The following POLL variants were observed in gnomAD, a reference collection of about 807,000 sequenced individuals.
POLL encodes the protein DNA polymerase lambda, also known as DNA polymerase beta-2.
A neutral mutation model predicts 58.1 loss-of-function variants in POLL; 44 were observed. The ratio of observed to expected loss-of-function variants is 0.76; its 90% CI spans 0.60 to 0.97. The LOEUF (loss-of-function observed/expected upper bound fraction) is 0.97, where lower values mean the gene tolerates loss of function less well. Among genes scored for constraint, POLL ranks in the 50% least tolerant of loss-of-function variants. The pLI is 0.00. For synonymous variants in POLL, 290 were observed against 283.2 expected (o/e 1.02, Z -0.24); for missense variants, 632 against 736.8 (o/e 0.86, Z 1.65).
Position 101,587,231 on chromosome 10 carries a change from A to C in POLL, c.115+15T>G. ...GGTTCAAGCACACGAGGGTTCTGAG[A>C]CTGGGTCAGCTCACCTTCTGCTTCT... On this transcript the variant is annotated intron_variant, in intron 2 of 8. Coordinates refer to ENST00000370162, the MANE Select transcript of POLL (RefSeq NM_001174084.2). The C allele has an allele frequency of 6.2e-7, 1 of 1,613,866 alleles. No individual in the cohort carries two copies. Among genetic ancestry groups the C allele is most frequent in the South Asian group, 1.1e-5 (1 of 91,074 alleles).
Position 101,587,237 on chromosome 10 carries a change from T to A in POLL, c.115+9A>T. ...AGCACACGAGGGTTCTGAGACTGGG[T>A]CAGCTCACCTTCTGCTTCTTCTCCC... On this transcript the variant is annotated intron_variant, in intron 2 of 8. Transcript: ENST00000370162. 6.2e-7 allele frequency: 1 copy of A among 1,613,708 alleles called. No individual in the cohort carries two copies. The highest frequency in any genetic ancestry group is 1.3e-5 in the African/African-American group (1 of 75,054).
In POLL at chr10:101,584,561, G is replaced by A. The variant is rs55889855; in HGVS notation, c.891+41C>T. On this transcript the variant is annotated intron_variant, in intron 5 of 8. Transcript: ENST00000370162. ...AACCCCACTGGGGTTACTAACCACT[G>A]GCCAGTAAAGACCCCTCCTCCCACT... is the stretch of plus-strand genomic sequence containing the variant. 4.6e-4 allele frequency: 658 copies of A among 1,416,054 alleles called. 5 individuals are homozygous for A. The East Asian group carries it at 0.013, about 28-fold the overall frequency. The allele number at this position is 1,416,054 out of a possible 1,614,324, so 87.7% of individuals were successfully genotyped here.
In POLL at chr10:101,583,418, A is replaced by G; in HGVS notation, c.1065+90T>C. 4 of 1,411,108 alleles carry G rather than the reference A, an allele frequency of 2.8e-6. No individual in the cohort carries two copies. In the South Asian group the frequency reaches 4.9e-5, roughly 17 times the overall value. The allele number at this position is 1,411,108 out of a possible 1,614,324, so 87.4% of individuals were successfully genotyped here. A position where few individuals can be genotyped will look rare whatever the true frequency, so the allele number is the denominator to read the frequency against. On this transcript the variant is annotated intron_variant, in intron 6 of 8. Coordinates refer to ENST00000370162, the MANE Select transcript of POLL (RefSeq NM_001174084.2). Reference sequence around the variant, plus strand: ...GGGTGCATTCCCATCAGAGCACAGCATAGGGATCTGGGGCAGAGCACAGCA... The same window carrying G: ...GGGTGCATTCCCATCAGAGCACAGCGTAGGGATCTGGGGCAGAGCACAGCA...
At position 101,580,138 on chromosome 10, in the gene POLL, T is replaced by C. The variant is rs2062901452; in HGVS notation, c.1363+110A>G. ...AGATGGGATGCTGGCAAAGCACTGTTCCCCTGCTTCCTGCCTCAGGACTGG... is the reference window on the plus strand; with the variant it reads ...AGATGGGATGCTGGCAAAGCACTGTCCCCCTGCTTCCTGCCTCAGGACTGG... On this transcript the variant is annotated intron_variant, in intron 8 of 8. Transcript: ENST00000370162. This position sits in a 1 kb window ranked among gnomAD's most constrained non-coding sequence, Gnocchi z 4.1. 3 of 968,574 alleles carry C rather than the reference T, an allele frequency of 3.1e-6. No individual in the cohort carries two copies. The highest frequency in any genetic ancestry group is 4.7e-6 in the Non-Finnish European group (3 of 637,278). The allele number at this position is 968,574 out of a possible 1,614,324, so 60.0% of individuals were successfully genotyped here. A position where few individuals can be genotyped will look rare whatever the true frequency, so the allele number is the denominator to read the frequency against.
Position 101,580,163 on chromosome 10 carries a change from G to C in POLL, c.1363+85C>G, listed in dbSNP as rs1589659667. On this transcript the variant is annotated intron_variant, in intron 8 of 8. Coordinates refer to ENST00000370162, the MANE Select transcript of POLL (RefSeq NM_001174084.2). The surrounding 1 kb of genome is among the most constrained non-coding windows in gnomAD (Gnocchi z 4.1). ...TCCCCTGCTTCCTGCCTCAGGACTG[G>C]AACTTCTGAGGTTCTCCCTCTGAGG... The C allele has an allele frequency of 2.5e-6, 3 of 1,181,384 alleles. No individual in the cohort carries two copies. The highest frequency in any genetic ancestry group is 3.6e-6 in the Non-Finnish European group (3 of 824,178). 73.2% of individuals were successfully genotyped at this position (1,181,384 alleles called of 1,614,324 possible).
chr10:101,586,104 G>C lies in POLL; in HGVS notation c.168C>G (p.Ala56=). ...AHVVRTGIGR[A]RAELFEKQIV... ...TCTGCTTCTCAAAGAGTTCTGCCCGGGCTCGTCCAATGCCAGTGCGCACAA... is the reference window on the plus strand; with the variant it reads ...TCTGCTTCTCAAAGAGTTCTGCCCGCGCTCGTCCAATGCCAGTGCGCACAA... Residue 56 remains alanine, a synonymous_variant, in exon 3 of 9, where the codon GCC becomes GCG. Coordinates refer to ENST00000370162, the MANE Select transcript of POLL (RefSeq NM_001174084.2). 1 of 1,613,764 alleles carries C rather than the reference G, an allele frequency of 6.2e-7. No individual in the cohort carries two copies. The highest frequency in any genetic ancestry group is 8.5e-7 in the Non-Finnish European group (1 of 1,179,960).
chr10:101,581,392 T>A (rs996709176), intron 7 of POLL: 5 of 152,350 alleles, frequency 3.3e-5, no homozygotes, highest in African/African-American at 1.2e-4. Context: ...CCGGACACCA[T>A]GGCTGAGTGA....
rs1278994016 is a variant in POLL at position 101,582,799 on chromosome 10, A to C, written c.1158T>G (p.Arg386=). The C allele has an allele frequency of 1.1e-5, 17 of 1,614,184 alleles. No homozygotes were observed. Among genetic ancestry groups the C allele is most frequent in the Non-Finnish European group, 1.4e-5 (17 of 1,180,002 alleles). The change falls in exon 7 of 9, where the codon CGT becomes CGG. Residue 386 remains arginine (R), a synonymous_variant. Coordinates refer to ENST00000370162, the MANE Select transcript of POLL (RefSeq NM_001174084.2). ...GLKHYSDFLE[R]MPREEATEIE... ...TCTCTGTAGCCTCCTCCCTGGGCAT[A>C]CGTTCCAGGAAGTCACTGTAATGCT... is the stretch of plus-strand genomic sequence containing the variant.
rs1367023731 is a variant in POLL at position 101,580,122 on chromosome 10, G to C, written c.1363+126C>G. ...TCCGGCCCCGATAGAGAGATGGGATGCTGGCAAAGCACTGTTCCCCTGCTT... is the reference window on the plus strand; with the variant it reads ...TCCGGCCCCGATAGAGAGATGGGATCCTGGCAAAGCACTGTTCCCCTGCTT... On this transcript the variant is annotated intron_variant, in intron 8 of 8. Transcript: ENST00000370162. The surrounding 1 kb of genome is among the most constrained non-coding windows in gnomAD (Gnocchi z 4.1). 2 of 867,616 alleles carry C rather than the reference G, an allele frequency of 2.3e-6. No homozygotes were observed. The highest frequency in any genetic ancestry group is 3.6e-6 in the Non-Finnish European group (2 of 554,590). 53.7% of individuals were successfully genotyped at this position (867,616 alleles called of 1,614,324 possible).
At chr10:101,583,832 A>C in intron 5 of POLL, 151 bp from the exon 6 acceptor site, 1 of 658,906 alleles carries the variant, frequency 1.5e-6, no homozygotes, top group South Asian at 1.9e-5. Context: ...GCTTGGGTGT[A>C]GTTGAAGATG....
In POLL at chr10:101,579,798, C is replaced by T. The variant is rs569669207; in HGVS notation, c.1383G>A (p.Leu461=). 3.7e-6 allele frequency: 6 copies of T among 1,613,086 alleles called. No homozygotes were observed. The highest frequency in any genetic ancestry group is 3.3e-4 in the Middle Eastern group (2 of 6,084). ...LRQEGFLTDD[L]VSQEENGQQQ... is the part of the protein sequence containing the mutation. Reference sequence around the variant, plus strand: ...GCTGACCATTCTCCTCTTGGCTCACCAAGTCATCTGTGAGGAACCCTGGCC... The same window carrying T: ...GCTGACCATTCTCCTCTTGGCTCACTAAGTCATCTGTGAGGAACCCTGGCC... The change falls in exon 9 of 9, where the codon TTG becomes TTA. Residue 461 remains leucine (L), a synonymous_variant. Transcript: ENST00000370162. This position sits in a 1 kb window ranked among gnomAD's most constrained non-coding sequence, Gnocchi z 4.4.
Position 101,579,310 on chromosome 10 carries a change from G to A in POLL, c.*143C>T, listed in dbSNP as rs978488661. On this transcript the variant is annotated 3_prime_UTR_variant, in exon 9 of 9. Coordinates refer to ENST00000370162, the MANE Select transcript of POLL (RefSeq NM_001174084.2). This position sits in a 1 kb window ranked among gnomAD's most constrained non-coding sequence, Gnocchi z 4.4. ...GGGAGCCGGGCTGGCTCTTGCTTCA[G>A]GCCCAGAGCCCTGGGCCCTGCTCGC... 2.1e-6 allele frequency: 2 copies of A among 972,498 alleles called. No homozygotes were observed. The allele number at this position is 972,498 out of a possible 1,614,324, so 60.2% of individuals were successfully genotyped here.
chr10:101,587,748 G>C, intron 1 of POLL, 74 bp downstream of exon 1: 1 of 1,187,510 alleles, frequency 8.4e-7, no homozygotes, highest in Non-Finnish European at 1.1e-6. Context: ...TGCTGGGCTA[G>C]GAAATGGAGC....
Position 101,579,106 on chromosome 10 carries a change from CT to C in POLL, c.*346del. 3.3e-6 allele frequency: 1 copy of C among 304,716 alleles called. No individual in the cohort carries two copies. The highest frequency in any genetic ancestry group is 7.4e-5 in the East Asian group (1 of 13,506). 18.9% of individuals were successfully genotyped at this position (304,716 alleles called of 1,614,324 possible). A position where few individuals can be genotyped will look rare whatever the true frequency, so the allele number is the denominator to read the frequency against. On this transcript the variant is annotated 3_prime_UTR_variant, in exon 9 of 9. Transcript: ENST00000370162. The surrounding 1 kb of genome is among the most constrained non-coding windows in gnomAD (Gnocchi z 4.4). ...TTCTGTCCCCACCCAGCAGCTTGGC[CT>C]TTCCCATAGCAGGGAAGGGGGATAC...
intron 5 of POLL, among the ~76,000 whole-genome samples, chr10:101,584,226 C>G (rs1217314714): frequency 1.3e-5 from 2 of 151,984 alleles, no homozygotes; most frequent in Non-Finnish European, 2.9e-5. Context: ...GGCTGTAATC[C>G]CAGCACTTTG....
chr10:101,587,804 C>T lies in POLL; in HGVS notation c.-47+18G>A, dbSNP rs1190194551. The T allele has an allele frequency of 3.4e-6, 4 of 1,191,124 alleles. No individual in the cohort carries two copies. Among genetic ancestry groups the T allele is most frequent in the Non-Finnish European group, 4.2e-6 (4 of 943,354 alleles). The allele number at this position is 1,191,124 out of a possible 1,614,324, so 73.8% of individuals were successfully genotyped here. ...CTGGGGAGGACCTGCACATAAACCC[C>T]ACATACTATTTCTCTACCTCCAACA... On this transcript the variant is annotated intron_variant, in intron 1 of 8. Transcript: ENST00000370162.
chr10:101,585,558 AC>A lies in POLL; in HGVS notation c.411-81del, dbSNP rs1192112673. The A allele has an allele frequency of 1.3e-5, 17 of 1,290,244 alleles. 2 individuals carry two copies. In the Middle Eastern group the frequency reaches 2.0e-3, roughly 155 times the overall value. The allele number at this position is 1,290,244 out of a possible 1,614,324, so 79.9% of individuals were successfully genotyped here. A position where few individuals can be genotyped will look rare whatever the true frequency, so the allele number is the denominator to read the frequency against. ...CCCCAGTCCTTCTGTACTCTGAAAT[AC>A]TTGGTTTCCCAGTGTGTCCAATTAA... is the stretch of plus-strand genomic sequence containing the variant. On this transcript the variant is annotated intron_variant, in intron 3 of 8. Coordinates refer to ENST00000370162, the MANE Select transcript of POLL (RefSeq NM_001174084.2).
At position 101,579,752 on chromosome 10, in the gene POLL, A is replaced by C; in HGVS notation, c.1429T>G (p.Cys477Gly). 1.9e-6 allele frequency: 3 copies of C among 1,613,862 alleles called. No individual in the cohort carries two copies. Among genetic ancestry groups the C allele is most frequent in the Non-Finnish European group, 2.5e-6 (3 of 1,180,020 alleles). ...CGCCGCCCTGGCCCTGGGAGCCGGC[A>C]CACCCCCAAGTACTTCTGTTGCTGA... ...NGQQQKYLGV[C>G]RLPGPGRRHR... Residue 477 changes from cysteine to glycine, a missense_variant, in exon 9 of 9, where the codon TGC becomes GGC. Coordinates refer to ENST00000370162, the MANE Select transcript of POLL (RefSeq NM_001174084.2). The surrounding 1 kb of genome is among the most constrained non-coding windows in gnomAD (Gnocchi z 4.4).
In POLL at chr10:101,588,144, G is replaced by A. The variant is rs2063498837; in HGVS notation, c.-369C>T. The A allele has an allele frequency of 1.6e-5, 25 of 1,518,278 alleles. No individual in the cohort carries two copies. Among genetic ancestry groups the A allele is most frequent in the Non-Finnish European group, 2.1e-5 (24 of 1,135,098 alleles). 94.1% of individuals were successfully genotyped at this position (1,518,278 alleles called of 1,614,324 possible). On this transcript the variant is annotated 5_prime_UTR_variant, in exon 1 of 9. Coordinates refer to ENST00000370162, the MANE Select transcript of POLL (RefSeq NM_001174084.2). ...CTCCAACCCCCAGAGTCGGTCCCCG[G>A]GTGGGGTCGACTACTGGCCAAGCTA...
Sources: gnomAD v4.1 joint callset for allele counts (sites outside exome capture counted in the v4.1 genomes callset) on GRCh38, gnomAD v4.1.1 for gene constraint, Gnocchi (gnomAD v3.1) non-coding constraint, MANE v1.5 for transcripts, NCBI Gene and HGNC (gene_info 2026-07-23, HGNC 2026-07-21) for gene names.